The following SIN3B variants were observed in gnomAD, a reference collection of about 807,000 sequenced individuals.
SIN3B encodes SIN3 transcription regulator family member B, also known as paired amphipathic helix protein Sin3b.
A neutral mutation model predicts 120.2 loss-of-function variants in SIN3B; 19 were observed. The observed-to-expected ratio is 0.16, with a 90% CI of 0.11 to 0.23. The LOEUF (loss-of-function observed/expected upper bound fraction) is 0.23, where lower values mean the gene tolerates loss of function less well. SIN3B is among the 10% of genes least tolerant of loss of function. SIN3B has a pLI of 1.00. For synonymous variants in SIN3B, 654 were observed against 653.2 expected, an observed-to-expected ratio of 1.00 and a Z score of -0.02; for missense variants, 1,073 against 1,573.0, an observed-to-expected ratio of 0.68 and a Z score of 5.38.
rs748832527 is a variant in SIN3B at position 16,876,157 on chromosome 19, G to A, written c.2695G>A (p.Val899Ile). ...TGGTGGGAACCTGTCCTCCCGCTGCGTCCGCGCTGCTAGGGAGACCAGCTA... is the reference window on the plus strand; with the variant it reads ...TGGTGGGAACCTGTCCTCCCGCTGCATCCGCGCTGCTAGGGAGACCAGCTA... Reference protein sequence around the residue: ...AAGGNLSSRCVRAARETSYQW... With the variant: ...AAGGNLSSRCIRAARETSYQW... Residue 899 changes from valine to isoleucine, a missense_variant, in exon 15 of 19, where the codon GTC (valine) becomes ATC (isoleucine). Physicochemically the swap from Val to Ile is conservative, Grantham distance 29 (BLOSUM62 3). Coordinates refer to ENST00000248054, the MANE Select transcript of SIN3B (RefSeq NM_001297595.2). The surrounding 1 kb of genome is among the most constrained non-coding windows in gnomAD (Gnocchi z 7.1). The A allele has an allele frequency of 3.0e-5, 49 of 1,612,780 alleles. No homozygotes were observed. The highest frequency in any genetic ancestry group is 2.0e-4 in the Admixed American group (12 of 59,922).
chr19:16,837,945 T>C (rs781329992), intron 3 of SIN3B, among the ~76,000 whole-genome samples: 1 of 152,026 alleles, frequency 6.6e-6, no homozygotes, highest in Non-Finnish European at 1.5e-5. Flanking sequence ...GGCGGGGCTG[T>C]GTGTGGATGC....
Position 16,830,021 on chromosome 19 carries a change from C to G in SIN3B, c.227+124C>G, listed in dbSNP as rs973871757. ...GGTGACCTTGCGCAGGTTGTCCAAT[C>G]TCTCAGAGCCCTAGCTCCTTCTCGT... On this transcript the variant is annotated intron_variant, in intron 2 of 18. Coordinates refer to ENST00000248054, the MANE Select transcript of SIN3B (RefSeq NM_001297595.2). The G allele has an allele frequency of 4.6e-6, 3 of 653,986 alleles. No homozygotes were observed. In the African/African-American group the frequency reaches 5.4e-5, roughly 12 times the overall value. The allele number at this position is 653,986 out of a possible 1,614,324, so 40.5% of individuals were successfully genotyped here.
chr19:16,837,134 A>T (rs1443344927), intron 3 of SIN3B, among the ~76,000 whole-genome samples: 1 of 151,740 alleles, frequency 6.6e-6, no homozygotes, highest in East Asian at 1.9e-4. Flanking sequence ...CCTGGTGGGG[A>T]GTGATGGCCT....
intron 5 of SIN3B, among the ~76,000 whole-genome samples, chr19:16,850,910 A>T (rs1971535868): frequency 6.6e-6 from 1 of 152,236 alleles, no homozygotes; most frequent in Admixed American, 6.5e-5. Context: ...CCAGCAAGTG[A>T]CGACATCATC....
intron 3 of SIN3B, among the ~76,000 whole-genome samples, chr19:16,838,690 G>A (rs1004883276): frequency 1.3e-5 from 2 of 149,962 alleles, no homozygotes; most frequent in South Asian, 4.2e-4. Flanking sequence ...TTTTTTTTTC[G>A]AGACAGAGTC....
rs2051602878 is a variant in SIN3B at position 16,876,137 on chromosome 19, G to A, written c.2675G>A (p.Gly892Glu). ...GAGAAGAAGCGGGGTGCCGCTGGTG[G>A]GAACCTGTCCTCCCGCTGCGTCCGC... ...LNEKKRGAAG[G>E]NLSSRCVRAA... is the part of the protein sequence containing the mutation. Residue 892 changes from glycine (G) to glutamate (E), a missense_variant, in exon 15 of 19, where the codon GGG becomes GAG. Around this residue, in one of 7 missense-constraint regions of SIN3B, gnomAD observed 311 missense variants for 400.3 expected, o/e 0.78. Coordinates refer to ENST00000248054, the MANE Select transcript of SIN3B (RefSeq NM_001297595.2). This position sits in a 1 kb window ranked among gnomAD's most constrained non-coding sequence, Gnocchi z 7.1. 1.6e-5 allele frequency: 25 copies of A among 1,610,420 alleles called. No individual in the cohort carries two copies. Among genetic ancestry groups the A allele is most frequent in the Non-Finnish European group, 2.1e-5 (25 of 1,179,138 alleles).
rs771955339 is a variant in SIN3B, at chr19:16,854,188, C to T, written c.985C>T (p.Arg329Cys). 6.2e-7 allele frequency: 1 copy of T among 1,612,760 alleles called. No individual in the cohort carries two copies. Among genetic ancestry groups the T allele is most frequent in the Non-Finnish European group, 8.5e-7 (1 of 1,179,932 alleles). ...CCAGGAGGTGTATGAAAACTTCCTCCGCTGCATCGCACTCTTCAACCAGGA... is the reference window on the plus strand; with the variant it reads ...CCAGGAGGTGTATGAAAACTTCCTCTGCTGCATCGCACTCTTCAACCAGGA... ...KSQEVYENFLRCIALFNQELV... is the reference protein window; with the variant it reads ...KSQEVYENFLCCIALFNQELV... Residue 329 changes from arginine to cysteine, a missense_variant, in exon 8 of 19, where the codon CGC (arginine) becomes TGC (cysteine). This residue lies in a region of SIN3B where 395 missense variants were observed against 528.0 expected (regional missense o/e 0.75). Transcript: ENST00000248054.
At chr19:16,875,336 GGTTTGGTCTGGTCTGGTCT>G (rs1159866418) in intron 14 of SIN3B, among the ~76,000 whole-genome samples, 1 of 145,276 alleles carries the variant, frequency 6.9e-6, no homozygotes, top group African/African-American at 2.6e-5. Context: ...GGTCTGGTCT[GGTTTGGTCTGGTCTGGTCT>G]GTTTGGTCTG....
intron 10 of SIN3B, among the ~76,000 whole-genome samples, chr19:16,864,210 C>T (rs1297054359): frequency 1.3e-5 from 2 of 152,124 alleles, no homozygotes; most frequent in East Asian, 1.9e-4. Flanking sequence ...AGTAGAATTG[C>T]TTGAGCCAGA....
chr19:16,874,263 G>C (rs1014900047), intron 14 of SIN3B, among the ~76,000 whole-genome samples: 4 of 152,226 alleles, frequency 2.6e-5, no homozygotes, highest in African/African-American at 9.6e-5. Context: ...CACCCGGGCA[G>C]GGTTTGCTGG....
intron 14 of SIN3B, among the ~76,000 whole-genome samples, chr19:16,871,890 G>A (rs761352441): frequency 2.6e-5 from 4 of 152,148 alleles, no homozygotes; most frequent in Non-Finnish European, 5.9e-5. Flanking sequence ...TTTTTGTTCC[G>A]TGTCCCTGTT....
chr19:16,869,186 G>C (rs893415438), intron 12 of SIN3B, among the ~76,000 whole-genome samples: 6 of 152,154 alleles, frequency 3.9e-5, no homozygotes, highest in African/African-American at 1.2e-4. Flanking sequence ...CCACATCTCA[G>C]AATCCTCTTG....
intron 2 of SIN3B, among the ~76,000 whole-genome samples, chr19:16,831,229 G>A (rs943362466): frequency 2.0e-5 from 3 of 151,882 alleles, no homozygotes; most frequent in Non-Finnish European, 4.4e-5. Flanking sequence ...CTCCAAGTTC[G>A]TTTTTGTATT....
In SIN3B at chr19:16,876,865, C is replaced by T; in HGVS notation, c.2859+287C>T. On this transcript the variant is annotated intron_variant, in intron 16 of 18. Coordinates refer to ENST00000248054, the MANE Select transcript of SIN3B (RefSeq NM_001297595.2). The surrounding 1 kb of genome is among the most constrained non-coding windows in gnomAD (Gnocchi z 7.1). ...CCACCTCTCCCTGGCCCCCGACTCC[C>T]ACTCAGGGCATCCCGTGGCTGTGAC... 5.3e-6 allele frequency: 2 copies of T among 380,726 alleles called. No individual in the cohort carries two copies. The highest frequency in any genetic ancestry group is 4.8e-6 in the Non-Finnish European group (1 of 208,102). 23.6% of individuals were successfully genotyped at this position (380,726 alleles called of 1,614,324 possible). A position where few individuals can be genotyped will look rare whatever the true frequency, so the allele number is the denominator to read the frequency against.
rs1599615940 is a variant in SIN3B at position 16,873,983 on chromosome 19, T to C, written c.2593-2072T>C. 2.6e-5 allele frequency among the ~76,000 whole-genome samples: 4 copies of C among 152,350 alleles called. No homozygotes were observed. The East Asian group carries it at 7.7e-4, about 29-fold the overall frequency. On this transcript the variant is annotated intron_variant, in intron 14 of 18. Transcript: ENST00000248054. ...GCGTGTCCAGGTGTTATTGTATCCATTCAACAAAGCTGCACATGGAACCCC... is the reference window on the plus strand; with the variant it reads ...GCGTGTCCAGGTGTTATTGTATCCACTCAACAAAGCTGCACATGGAACCCC...
In SIN3B at chr19:16,862,434, T is replaced by C. The variant is rs767857856; in HGVS notation, c.1141T>C (p.Ser381Pro). The C allele has an allele frequency of 6.2e-7, 1 of 1,614,126 alleles. No homozygotes were observed. Among genetic ancestry groups the C allele is most frequent in the South Asian group, 1.1e-5 (1 of 91,084 alleles). ...LSFAPPMSDRSGDGISREIDY... is the reference protein window; with the variant it reads ...LSFAPPMSDRPGDGISREIDY... ...CTTCGCGCCACCCATGAGCGACAGA[T>C]CCGGGGACGGGATAAGCCGGGAAAT... Residue 381 changes from serine (S) to proline (P), a missense_variant, in exon 9 of 19, where the codon TCC becomes CCC. Coordinates refer to ENST00000248054, the MANE Select transcript of SIN3B (RefSeq NM_001297595.2). This position sits in a 1 kb window ranked among gnomAD's most constrained non-coding sequence, Gnocchi z 4.7.
chr19:16,835,153 C>T (rs548098538), intron 3 of SIN3B, among the ~76,000 whole-genome samples: 54 of 151,724 alleles, frequency 3.6e-4, no homozygotes, highest in Middle Eastern at 3.4e-3. Context: ...CTTGAACTCC[C>T]GACCTCACGT....
chr19:16,854,423 A>G (rs1324146212), intron 8 of SIN3B, 162 bp downstream of exon 8: 1 of 586,622 alleles, frequency 1.7e-6, no homozygotes, highest in Non-Finnish European at 3.0e-6. Flanking sequence ...TGCATTTGTA[A>G]GGAGCAATAC....
At chr19:16,847,853 C>T (rs528277468) in intron 5 of SIN3B, among the ~76,000 whole-genome samples, 2 of 152,296 alleles carry the variant, frequency 1.3e-5, no homozygotes, top group African/African-American at 4.8e-5. Flanking sequence ...TACCTAGTTC[C>T]AGAACATTTT....
Sources: allele counts gnomAD v4.1 joint callset (sites outside exome capture counted in the v4.1 genomes callset), GRCh38; gene constraint gnomAD v4.1.1; regional missense constraint gnomAD v4.1.1; non-coding constraint Gnocchi (gnomAD v3.1); transcripts MANE v1.5; gene names NCBI Gene and HGNC (gene_info 2026-07-23, HGNC 2026-07-21).